SYN3: variants seen among roughly 807,000 people sequenced by gnomAD.
SYN3 encodes the protein synapsin III.
Under a neutral mutation model 65.8 loss-of-function variants are expected in SYN3, and 35 were observed. That is an observed-to-expected ratio of 0.53 (90% CI 0.41 to 0.70). The LOEUF (loss-of-function observed/expected upper bound fraction) is 0.70. Among genes scored for constraint, SYN3 ranks in the 30% least tolerant of loss-of-function variants. SYN3 has a pLI of 0.00. For missense variants in SYN3, 680 were observed against 749.0 expected, an observed-to-expected ratio of 0.91 and a Z score of 1.08; for synonymous variants, 270 against 292.9, an observed-to-expected ratio of 0.92 and a Z score of 0.80.
Position 32,586,137 on chromosome 22 carries a change from T to C in SYN3, c.774+10537A>G, listed in dbSNP as rs566893131. Among the ~76,000 whole-genome samples the C allele has an allele frequency of 3.0e-3, 455 of 151,050 alleles. 2 individuals are homozygous for C. The highest frequency in any genetic ancestry group is 0.01 in the African/African-American group (430 of 41,266). On this transcript the variant is annotated intron_variant, in intron 7 of 13. Coordinates refer to ENST00000358763, the MANE Select transcript of SYN3 (RefSeq NM_003490.4). ...ATGTATATATGTATATGTATGTATA[T>C]ACATATACACATATACACACAAACA... is the stretch of plus-strand genomic sequence containing the variant.
At chr22:32,653,549 A>T (rs1274023970) in intron 6 of SYN3, among the ~76,000 whole-genome samples, 3 of 152,170 alleles carry the variant, frequency 2.0e-5, no homozygotes, top group South Asian at 2.1e-4. Context: ...GGCTGCAGGG[A>T]CCAGGCTCAT....
In SYN3 at chr22:32,801,968, A is replaced by G; in HGVS notation, c.711+62947T>C. 6.3e-7 allele frequency: 1 copy of G among 1,576,670 alleles called. No homozygotes were observed. The highest frequency in any genetic ancestry group is 8.6e-7 in the Non-Finnish European group (1 of 1,169,206). On this transcript the variant is annotated intron_variant, in intron 6 of 13. Coordinates refer to ENST00000358763, the MANE Select transcript of SYN3 (RefSeq NM_003490.4). The surrounding 1 kb of genome is among the most constrained non-coding windows in gnomAD (Gnocchi z 4.7). ...CGCGCACGGCAACTTTGGAGAGGCGAGCAGCAGCCCCGGCAGCGGCGGCAG... is the reference window on the plus strand; with the variant it reads ...CGCGCACGGCAACTTTGGAGAGGCGGGCAGCAGCCCCGGCAGCGGCGGCAG...
chr22:32,675,437 T>G (rs130744), intron 6 of SYN3, among the ~76,000 whole-genome samples: 1 of 151,888 alleles, frequency 6.6e-6, no homozygotes, highest in Non-Finnish European at 1.5e-5. Context: ...GGGCTATTGT[T>G]CAGCTGCCTG....
At chr22:32,881,114 G>C (rs1198386808) in intron 4 of SYN3, among the ~76,000 whole-genome samples, 1 of 135,842 alleles carries the variant, frequency 7.4e-6, no homozygotes. Flanking sequence ...GCTGCTGCTC[G>C]GGGAAGGGGA....
intron 6 of SYN3, among the ~76,000 whole-genome samples, chr22:32,767,363 C>T (rs1244333323): frequency 6.7e-6 from 1 of 148,564 alleles, no homozygotes; most frequent in Non-Finnish European, 1.5e-5. Context: ...AGGATTGCTC[C>T]TTCAAATGAT....
At chr22:32,933,382 G>C (rs2050688126) in intron 3 of SYN3, among the ~76,000 whole-genome samples, 1 of 152,154 alleles carries the variant, frequency 6.6e-6, no homozygotes, top group Admixed American at 6.5e-5. Flanking sequence ...GTAGGTAGCA[G>C]AGCTGGTATT....
At chr22:32,765,642 G>A (rs1485109264) in intron 6 of SYN3, among the ~76,000 whole-genome samples, 2 of 152,150 alleles carry the variant, frequency 1.3e-5, no homozygotes, top group Non-Finnish European at 2.9e-5. Flanking sequence ...AGCTGGACAC[G>A]TGAGCGTTAA....
intron 3 of SYN3, among the ~76,000 whole-genome samples, chr22:32,971,337 G>C (rs1000118397): frequency 2.6e-5 from 4 of 152,076 alleles, no homozygotes; most frequent in African/African-American, 4.8e-5. Flanking sequence ...AAAGAAAAAG[G>C]CCTCCATGGA....
intron 4 of SYN3, among the ~76,000 whole-genome samples, chr22:32,871,894 T>C (rs2048858709): frequency 1.3e-5 from 2 of 152,148 alleles, no homozygotes; most frequent in Admixed American, 1.3e-4. Flanking sequence ...TCCCAAAGTG[T>C]TGGAATTACA....
intron 10 of SYN3, among the ~76,000 whole-genome samples, chr22:32,532,695 C>T (rs1234780035): frequency 1.3e-5 from 2 of 152,132 alleles, no homozygotes; most frequent in Middle Eastern, 3.2e-3. Context: ...CCTGCTTGGC[C>T]GTGGGCCCCT....
At chr22:32,871,580 C>T (rs2048850742) in intron 4 of SYN3, among the ~76,000 whole-genome samples, 1 of 152,022 alleles carries the variant, frequency 6.6e-6, no homozygotes, top group Non-Finnish European at 1.5e-5. Flanking sequence ...GGGTTGCCTG[C>T]CACTCCATCC....
At position 32,541,504 on chromosome 22, in the gene SYN3, C is replaced by T. The variant is rs565468246; in HGVS notation, c.917+67G>A. ...ATGCACCCTTGGGTGCAGGAGACAGCGGCTGGACATGCACCTCTGGGCTGC... is the reference window on the plus strand; with the variant it reads ...ATGCACCCTTGGGTGCAGGAGACAGTGGCTGGACATGCACCTCTGGGCTGC... On this transcript the variant is annotated intron_variant, in intron 8 of 13. Coordinates refer to ENST00000358763, the MANE Select transcript of SYN3 (RefSeq NM_003490.4). 96 of 1,587,144 alleles carry T rather than the reference C, an allele frequency of 6.0e-5. No homozygotes were observed. In the Admixed American group the frequency reaches 1.1e-3, roughly 19 times the overall value.
At chr22:32,718,329 A>G (rs2061067416) in intron 6 of SYN3, among the ~76,000 whole-genome samples, 1 of 151,990 alleles carries the variant, frequency 6.6e-6, no homozygotes, top group African/African-American at 2.4e-5. Context: ...TGCTATGTCC[A>G]CTGTGTGCTT....
chr22:32,948,650 T>C (rs900887463), intron 3 of SYN3, among the ~76,000 whole-genome samples: 2 of 152,082 alleles, frequency 1.3e-5, no homozygotes, highest in South Asian at 2.1e-4. Flanking sequence ...GGCAGGAGAA[T>C]GGCGTGAACC....
At chr22:32,724,586 C>G (rs923414618) in intron 6 of SYN3, among the ~76,000 whole-genome samples, 2 of 152,194 alleles carry the variant, frequency 1.3e-5, no homozygotes, top group Non-Finnish European at 2.9e-5. Flanking sequence ...ATATGAACCT[C>G]TTCGTATAGT....
At chr22:32,835,296 G>T (rs1569263028) in intron 6 of SYN3, among the ~76,000 whole-genome samples, 1 of 152,310 alleles carries the variant, frequency 6.6e-6, no homozygotes, top group African/African-American at 2.4e-5. Context: ...AGATGTTGCG[G>T]TTAGATACAA....
chr22:33,023,367 C>T (rs2053589792), intron 1 of SYN3, among the ~76,000 whole-genome samples: 1 of 152,230 alleles, frequency 6.6e-6, no homozygotes, highest in African/African-American at 2.4e-5. Flanking sequence ...TTCCCTTGCA[C>T]ACACTTTCTT....
intron 4 of SYN3, among the ~76,000 whole-genome samples, chr22:32,920,553 C>T (rs2050310227): frequency 6.6e-6 from 1 of 152,218 alleles, no homozygotes; most frequent in Non-Finnish European, 1.5e-5. Context: ...AAGACAGCTG[C>T]TGCAAATACT....
intron 4 of SYN3, 131 bp from the exon 5 acceptor site, chr22:32,869,256 G>T: frequency 2.3e-6 from 2 of 865,344 alleles, no homozygotes; most frequent in East Asian, 2.7e-5. Context: ...GGAGCAGGTG[G>T]GGGATGAGGG....
Sources: gnomAD v4.1 joint callset for allele counts (sites outside exome capture counted in the v4.1 genomes callset) on GRCh38, gnomAD v4.1.1 for gene constraint, Gnocchi (gnomAD v3.1) non-coding constraint, MANE v1.5 for transcripts, NCBI Gene and HGNC (gene_info 2026-07-23, HGNC 2026-07-21) for gene names.